The following SPAG16 variants were observed in gnomAD, a reference collection of about 807,000 sequenced individuals.
The protein encoded by SPAG16 is sperm associated antigen 16.
In SPAG16, 86 loss-of-function variants were observed where a neutral mutation model predicts 80.4. That is an observed-to-expected ratio of 1.07 (90% CI 0.90 to 1.28). SPAG16 has a LOEUF of 1.28. Among genes scored for constraint, SPAG16 ranks in the 50% most tolerant of loss-of-function variants. The probability of loss-of-function intolerance (pLI) is 0.00; values close to 1 mark genes in which losing one functional copy is unlikely to be tolerated. For synonymous variants in SPAG16, 294 were observed against 265.9 expected (o/e 1.11, Z -1.03); for missense variants, 870 against 765.3 (o/e 1.14, Z -1.61).
intron 10 of SPAG16, among the ~76,000 whole-genome samples, chr2:213,624,002 G>A (rs1209758121): frequency 6.6e-6 from 1 of 151,686 alleles, no homozygotes; most frequent in African/African-American, 2.4e-5. Context: ...TAATTACATG[G>A]GGCTTAATTA....
At chr2:213,980,737 G>T (rs1418347782) in intron 12 of SPAG16, among the ~76,000 whole-genome samples, 1,287 of 126,870 alleles carry the variant, frequency 0.01, 21 homozygotes, top group African/African-American at 0.021. Flanking sequence ...GAGAGAGAGA[G>T]AGAGAGAGAG....
intron 15 of SPAG16, among the ~76,000 whole-genome samples, chr2:214,264,556 A>C (rs1362077619): frequency 6.6e-6 from 1 of 152,054 alleles, no homozygotes; most frequent in Admixed American, 6.6e-5. Context: ...CCCTTACACT[A>C]TATTTTGTAT....
chr2:213,585,126 T>C (rs1053996347), intron 10 of SPAG16, among the ~76,000 whole-genome samples: 6 of 150,794 alleles, frequency 4.0e-5, no homozygotes, highest in Non-Finnish European at 7.4e-5. Flanking sequence ...GAGGTAGAGG[T>C]TGTAGTGAGC....
chr2:213,383,009 A>G (rs1028078519), intron 9 of SPAG16, among the ~76,000 whole-genome samples: 8 of 152,084 alleles, frequency 5.3e-5, no homozygotes, highest in South Asian at 4.1e-4. Context: ...GGGTATTTTT[A>G]TCTGCTTCAG....
At chr2:213,310,273 A>G (rs2063127647) in intron 4 of SPAG16, 96 bp downstream of exon 4, 4 of 750,850 alleles carry the variant, frequency 5.3e-6, no homozygotes, top group Non-Finnish European at 4.1e-6. Flanking sequence ...GACTCAGCCT[A>G]TGAAAAATGA....
intron 13 of SPAG16, among the ~76,000 whole-genome samples, chr2:214,075,112 G>A (rs996380660): frequency 6.6e-6 from 1 of 151,494 alleles, no homozygotes; most frequent in African/African-American, 2.4e-5. Flanking sequence ...TTAAACATAG[G>A]AGTGCTTCAT....
At chr2:213,372,258 A>G (rs2066680565) in intron 8 of SPAG16, among the ~76,000 whole-genome samples, 1 of 152,124 alleles carries the variant, frequency 6.6e-6, no homozygotes, top group Admixed American at 6.5e-5. Context: ...ACCAGATCAT[A>G]ATGATACATA....
chr2:213,693,336 G>A (rs1003384209), intron 10 of SPAG16, among the ~76,000 whole-genome samples: 26 of 152,192 alleles, frequency 1.7e-4, no homozygotes, highest in Non-Finnish European at 2.9e-4. Context: ...TGAACATAGA[G>A]CAAAGGCGAA....
chr2:214,160,650 T>C (rs1373248853), intron 15 of SPAG16, among the ~76,000 whole-genome samples: 1 of 152,078 alleles, frequency 6.6e-6, no homozygotes, highest in African/African-American at 2.4e-5. Context: ...TCTGCAGATA[T>C]CCTTGAAGAA....
intron 13 of SPAG16, among the ~76,000 whole-genome samples, chr2:214,058,116 C>T (rs1485788888): frequency 6.6e-6 from 1 of 152,134 alleles, no homozygotes; most frequent in African/African-American, 2.4e-5. Context: ...CTGTTAATTT[C>T]CTTCAGGAAC....
chr2:213,563,975 G>A (rs1352107082), intron 10 of SPAG16, among the ~76,000 whole-genome samples: 1 of 152,116 alleles, frequency 6.6e-6, no homozygotes, highest in Non-Finnish European at 1.5e-5. Context: ...CCTGCCCATT[G>A]GAAAGGGAAA....
intron 15 of SPAG16, among the ~76,000 whole-genome samples, chr2:214,223,978 A>G (rs111393817): frequency 0.018 from 2,719 of 152,286 alleles, 51 homozygotes; most frequent in African/African-American, 0.042. Context: ...GGGTAAAGTG[A>G]ATCAATAAAC....
chr2:213,517,827 G>A (rs936747100), intron 10 of SPAG16, among the ~76,000 whole-genome samples: 11 of 152,116 alleles, frequency 7.2e-5, no homozygotes, highest in African/African-American at 2.7e-4. Context: ...AGATTTAAAT[G>A]TAAGACCTAA....
At chr2:214,351,534 T>C (rs1452367207) in intron 15 of SPAG16, among the ~76,000 whole-genome samples, 1 of 69,214 alleles carries the variant, frequency 1.4e-5, no homozygotes, top group Non-Finnish European at 5.5e-5. Flanking sequence ...ACCCCGTTTC[T>C]ACTAAAAAAA....
At chr2:213,980,712 G>GTGTATATATATATA (rs1469351640) in intron 12 of SPAG16, among the ~76,000 whole-genome samples, 36 of 113,976 alleles carry the variant, frequency 3.2e-4, no homozygotes, top group East Asian at 4.7e-4. Context: ...GTGTGTGTGT[G>GTGTATATATATATA]TATATATATA....
intron 10 of SPAG16, among the ~76,000 whole-genome samples, chr2:213,724,047 A>C (rs2066643187): frequency 6.6e-6 from 1 of 152,242 alleles, no homozygotes; most frequent in Non-Finnish European, 1.5e-5. Context: ...AGACCCATTA[A>C]ATTTCCACAG....
intron 13 of SPAG16, among the ~76,000 whole-genome samples, chr2:214,074,614 G>C (rs1172556074): frequency 6.6e-6 from 1 of 151,884 alleles, no homozygotes; most frequent in African/African-American, 2.4e-5. Context: ...ATTATGAACT[G>C]AAAAGACAAC....
intron 3 of SPAG16, 85 bp downstream of exon 3, chr2:213,297,442 C>G: frequency 1.4e-6 from 1 of 717,138 alleles, no homozygotes; most frequent in South Asian, 1.9e-5. Context: ...AATGTAAATA[C>G]TAGTGTAGCT....
At chr2:214,199,402 C>G (rs1559123771) in intron 15 of SPAG16, among the ~76,000 whole-genome samples, 1 of 152,054 alleles carries the variant, frequency 6.6e-6, no homozygotes, top group Non-Finnish European at 1.5e-5. Flanking sequence ...TGTCGAAGAT[C>G]AGTTGGCTAT....
Sources: gnomAD v4.1 joint callset for allele counts (sites outside exome capture counted in the v4.1 genomes callset) on GRCh38, gnomAD v4.1.1 for gene constraint, MANE v1.5 for transcripts, NCBI Gene and HGNC (gene_info 2026-07-23, HGNC 2026-07-21) for gene names.